Variants in CEP85L observed in about 807,000 individuals in gnomAD.
CEP85L encodes the protein centrosomal protein 85L.
CEP85L carries 60 observed loss-of-function variants against 100.3 expected under a neutral mutation model. The ratio of observed to expected loss-of-function variants is 0.60; its 90% CI spans 0.49 to 0.74. The LOEUF is 0.74. CEP85L is among the 30% of genes least tolerant of loss of function. The pLI is 0.00. For synonymous variants in CEP85L, 319 were observed against 322.7 expected (o/e 0.99, Z 0.12); for missense variants, 973 against 936.2 (o/e 1.04, Z -0.51).
At chr6:118,509,460 G>A (rs371477185) in intron 5 of CEP85L, among the ~76,000 whole-genome samples, 20 of 152,054 alleles carry the variant, frequency 1.3e-4, no homozygotes, top group East Asian at 5.8e-4. Context: ...AGAAGTCCAA[G>A]ATGAGACCAA....
At chr6:118,602,324 A>C (rs775145146) in intron 2 of CEP85L, among the ~76,000 whole-genome samples, 1 of 152,250 alleles carries the variant, frequency 6.6e-6, no homozygotes, top group Non-Finnish European at 1.5e-5. Flanking sequence ...AGAGTGTAAC[A>C]GCAATATATT....
chr6:118,529,979 T>C (rs1269080417), intron 3 of CEP85L, among the ~76,000 whole-genome samples: 3 of 151,848 alleles, frequency 2.0e-5, no homozygotes, highest in East Asian at 1.9e-4. Context: ...CATGAAAAAA[T>C]AGATGCAGAG....
chr6:118,489,965 ATACG>A (rs896835568), intron 6 of CEP85L, among the ~76,000 whole-genome samples: 1 of 142,724 alleles, frequency 7.0e-6, no homozygotes, highest in Admixed American at 7.0e-5. Flanking sequence ...ACACACACAC[ATACG>A]TGTGTGTATA....
chr6:118,486,587 G>C (rs535876147), intron 6 of CEP85L, among the ~76,000 whole-genome samples: 1 of 152,070 alleles, frequency 6.6e-6, no homozygotes, highest in African/African-American at 2.4e-5. Context: ...TTGTTGATTT[G>C]TTATCAAGGA....
At chr6:118,663,390 CAAT>C (rs1455766499) in intron 1 of CEP85L, among the ~76,000 whole-genome samples, 19 of 152,106 alleles carry the variant, frequency 1.2e-4, no homozygotes, top group Non-Finnish European at 1.8e-4. Flanking sequence ...AAAATTTTAA[CAAT>C]AGAAAAGTAG....
At chr6:118,502,035 T>C (rs1775338830) in intron 5 of CEP85L, 1 of 838,042 alleles carries the variant, frequency 1.2e-6, no homozygotes, top group Non-Finnish European at 2.0e-6. Context: ...GAAAACCAGA[T>C]GGAACAAGAA....
chr6:118,496,497 G>A (rs541939845), intron 5 of CEP85L, among the ~76,000 whole-genome samples: 10 of 152,180 alleles, frequency 6.6e-5, no homozygotes, highest in African/African-American at 2.4e-4. Flanking sequence ...TGGGATTACA[G>A]GCATGCGCCA....
intron 1 of CEP85L, among the ~76,000 whole-genome samples, chr6:118,665,785 G>A (rs1216503907): frequency 6.6e-6 from 1 of 152,124 alleles, no homozygotes. Context: ...AAAAGTGCCT[G>A]ATTGCCATCT....
At chr6:118,652,913 AT>A (rs1446143830), upstream of CEP85L, 6 of 556,328 alleles carry the variant, frequency 1.1e-5, no homozygotes, top group African/African-American at 7.7e-5. Flanking sequence ...AAGAGGATAG[AT>A]TTTTTTAAGT....
chr6:118,524,207 T>C (rs1776829490), intron 3 of CEP85L, among the ~76,000 whole-genome samples: 1 of 152,146 alleles, frequency 6.6e-6, no homozygotes, highest in South Asian at 2.1e-4. Flanking sequence ...ACGCCTGTAA[T>C]CCCAGCACTT....
intron 1 of CEP85L, among the ~76,000 whole-genome samples, chr6:118,644,951 G>A (rs1583216939): frequency 6.6e-6 from 1 of 152,124 alleles, no homozygotes; most frequent in Admixed American, 6.5e-5. Context: ...CCAATACATG[G>A]GAACAGTATC....
intron 2 of CEP85L, among the ~76,000 whole-genome samples, chr6:118,621,780 A>T (rs1773460673): frequency 6.6e-6 from 1 of 152,238 alleles, no homozygotes; most frequent in Non-Finnish European, 1.5e-5. Context: ...GCCCTAAGAC[A>T]TTGAAACAGT....
intron 5 of CEP85L, among the ~76,000 whole-genome samples, chr6:118,492,405 T>C (rs1774635107): frequency 1.3e-5 from 2 of 152,142 alleles, no homozygotes; most frequent in African/African-American, 4.8e-5. Flanking sequence ...CCATCTTATA[T>C]TCCCTATTGC....
intron 2 of CEP85L, among the ~76,000 whole-genome samples, chr6:118,602,358 T>C (rs974503617): frequency 6.6e-6 from 1 of 152,178 alleles, no homozygotes; most frequent in Non-Finnish European, 1.5e-5. Flanking sequence ...GCAAAATAAG[T>C]AAAGTTATTC....
intron 2 of CEP85L, among the ~76,000 whole-genome samples, chr6:118,600,208 CAAAGA>C (rs1781655147): frequency 6.6e-6 from 1 of 150,530 alleles, no homozygotes; most frequent in Admixed American, 6.6e-5. Context: ...GACTTGCCTC[CAAAGA>C]ACAGAATATG....
intron 6 of CEP85L, among the ~76,000 whole-genome samples, chr6:118,487,055 G>T (rs1349489147): frequency 6.6e-6 from 1 of 151,958 alleles, no homozygotes; most frequent in Non-Finnish European, 1.5e-5. Context: ...ATTGGGTTGA[G>T]CCCTGGAAAA....
intron 11 of CEP85L, among the ~76,000 whole-genome samples, chr6:118,470,043 G>A (rs907285426): frequency 3.6e-4 from 55 of 152,154 alleles, no homozygotes; most frequent in African/African-American, 1.3e-3. Flanking sequence ...TATTGGTGGG[G>A]GGAAGCATCT....
At chr6:118,606,992 GTTCCCT>G (rs915658217) in intron 2 of CEP85L, among the ~76,000 whole-genome samples, 2 of 152,066 alleles carry the variant, frequency 1.3e-5, no homozygotes, top group Non-Finnish European at 2.9e-5. Context: ...AGGCTTCTGG[GTTCCCT>G]TTCCCTGAGC....
chr6:118,592,406 T>A (rs1428150304), intron 2 of CEP85L, among the ~76,000 whole-genome samples: 1 of 148,592 alleles, frequency 6.7e-6, no homozygotes, highest in African/African-American at 2.5e-5. Context: ...AATAAAAGAA[T>A]TTTAAAATAA....
Sources: allele counts gnomAD v4.1 joint callset (sites outside exome capture counted in the v4.1 genomes callset), GRCh38; gene constraint gnomAD v4.1.1; transcripts MANE v1.5; gene names NCBI Gene and HGNC (gene_info 2026-07-23, HGNC 2026-07-21).